RBFOX1: variants seen among roughly 807,000 people sequenced by gnomAD.
The protein encoded by RBFOX1 is RNA binding protein fox-1 homolog 1.
Under a neutral mutation model 57.7 loss-of-function variants are expected in RBFOX1, and 8 were observed. The ratio of observed to expected loss-of-function variants is 0.14; its 90% CI spans 0.08 to 0.25. The LOEUF is 0.25. Ranked by LOEUF, RBFOX1 falls within the 10% of genes least tolerant of loss-of-function variation. RBFOX1 has a pLI of 1.00. For synonymous variants in RBFOX1, 326 were observed against 222.4 expected, an observed-to-expected ratio of 1.47 and a Z score of -4.15; for missense variants, 611 against 548.5, an observed-to-expected ratio of 1.11 and a Z score of -1.14.
intron 4 of RBFOX1, among the ~76,000 whole-genome samples, chr16:7,505,308 G>A (rs554459258): frequency 5.6e-4 from 85 of 151,746 alleles, no homozygotes; most frequent in Non-Finnish European, 8.4e-4. Context: ...TCCAGTTGGA[G>A]ATGGACACCA....
chr16:5,455,984 T>G (rs1170202895), intron 1 of RBFOX1, among the ~76,000 whole-genome samples: 1 of 152,194 alleles, frequency 6.6e-6, no homozygotes, highest in Non-Finnish European at 1.5e-5. Flanking sequence ...ATGATTTTTG[T>G]TGAGTTTCAT....
chr16:6,789,014 C>G (rs907953963), intron 3 of RBFOX1, among the ~76,000 whole-genome samples: 1 of 152,076 alleles, frequency 6.6e-6, no homozygotes, highest in African/African-American at 2.4e-5. Context: ...TCTGGATGGA[C>G]CCAGTCTGAA....
intron 5 of RBFOX1, among the ~76,000 whole-genome samples, chr16:7,560,792 C>T (rs892653158): frequency 1.3e-4 from 20 of 152,080 alleles, no homozygotes; most frequent in African/African-American, 4.8e-4. Context: ...CGGATGTTTC[C>T]CTTTCTTCAT....
intron 2 of RBFOX1, among the ~76,000 whole-genome samples, chr16:6,569,498 C>T (rs374754018): frequency 6.6e-6 from 1 of 152,188 alleles, no homozygotes; most frequent in African/African-American, 2.4e-5. Flanking sequence ...GCTTATCCTT[C>T]ACTAGATGGA....
At chr16:5,902,400 T>A (rs1597711148) in intron 4 of RBFOX1, among the ~76,000 whole-genome samples, 1 of 152,230 alleles carries the variant, frequency 6.6e-6, no homozygotes, top group East Asian at 1.9e-4. Flanking sequence ...TTCCTTAATT[T>A]AATTAATTAA....
intron 11 of RBFOX1, among the ~76,000 whole-genome samples, chr16:7,650,361 C>T (rs1232952015): frequency 6.7e-6 from 1 of 149,946 alleles, no homozygotes; most frequent in Non-Finnish European, 1.5e-5. Context: ...CAGGAAGGCA[C>T]TATTTAAGCC....
chr16:7,389,506 C>G (rs775655308), intron 4 of RBFOX1, among the ~76,000 whole-genome samples: 9 of 152,134 alleles, frequency 5.9e-5, no homozygotes, highest in Admixed American at 1.3e-4. Context: ...GTTCTGGACT[C>G]CAGGACCAAA....
At chr16:6,871,259 C>G (rs1432151738) in intron 3 of RBFOX1, among the ~76,000 whole-genome samples, 4 of 152,172 alleles carry the variant, frequency 2.6e-5, no homozygotes, top group Non-Finnish European at 5.9e-5. Context: ...GATCTCGGCT[C>G]ACTCTAACCT....
intron 2 of RBFOX1, among the ~76,000 whole-genome samples, chr16:6,418,375 A>G (rs572270283): frequency 1.2e-4 from 18 of 152,238 alleles, no homozygotes; most frequent in South Asian, 2.1e-4. Context: ...GGCACATAAT[A>G]AGAGCTGCTA....
intron 1 of RBFOX1, among the ~76,000 whole-genome samples, chr16:5,309,650 C>G (rs1048999471): frequency 3.9e-5 from 6 of 152,110 alleles, no homozygotes; most frequent in African/African-American, 1.2e-4. Context: ...TTTCTCATTC[C>G]TCACTCCCCT....
intron 2 of RBFOX1, among the ~76,000 whole-genome samples, chr16:6,618,966 T>C (rs991292983): frequency 2.0e-5 from 3 of 151,864 alleles, no homozygotes; most frequent in South Asian, 2.1e-4. Context: ...TGCAAAAGGG[T>C]TATTTATAGT....
chr16:6,023,657 C>T (rs1170949014), intron 1 of RBFOX1, among the ~76,000 whole-genome samples: 1 of 152,172 alleles, frequency 6.6e-6, no homozygotes, highest in Non-Finnish European at 1.5e-5. Flanking sequence ...CTCTGAAGGA[C>T]AGAGGGCAGC....
At chr16:6,039,678 C>A (rs961551382) in intron 1 of RBFOX1, among the ~76,000 whole-genome samples, 1 of 152,236 alleles carries the variant, frequency 6.6e-6, no homozygotes, top group African/African-American at 2.4e-5. Flanking sequence ...CAAATTCTCT[C>A]ACCTCTAATA....
intron 4 of RBFOX1, among the ~76,000 whole-genome samples, chr16:5,915,927 A>C (rs1431848692): frequency 2.0e-5 from 3 of 152,236 alleles, no homozygotes; most frequent in African/African-American, 7.2e-5. Flanking sequence ...TCACATTGGG[A>C]ATAATGGGGC....
intron 3 of RBFOX1, among the ~76,000 whole-genome samples, chr16:6,757,956 A>G (rs1159078490): frequency 6.6e-6 from 1 of 152,160 alleles, no homozygotes; most frequent in African/African-American, 2.4e-5. Context: ...AAACAATTAC[A>G]ACAACATCCA....
intron 2 of RBFOX1, among the ~76,000 whole-genome samples, chr16:5,592,168 G>T (rs1464675433): frequency 5.9e-5 from 9 of 151,942 alleles, no homozygotes; most frequent in Admixed American, 5.9e-4. Context: ...TCCTTTGCTT[G>T]TTTTTTTCTA....
intron 13 of RBFOX1, among the ~76,000 whole-genome samples, chr16:7,667,935 A>C (rs112474347): frequency 0.11 from 16,406 of 152,162 alleles, 1,019 homozygotes; most frequent in Middle Eastern, 0.16. Context: ...CGGTCTCCCA[A>C]AGTGCTACGA....
intron 4 of RBFOX1, among the ~76,000 whole-genome samples, chr16:7,072,931 G>A (rs2057618292): frequency 6.6e-6 from 1 of 152,204 alleles, no homozygotes; most frequent in South Asian, 2.1e-4. Context: ...AGAAAGGACA[G>A]ATCTGTGTGG....
chr16:6,256,221 G>GTGTATATATA, intron 1 of RBFOX1, among the ~76,000 whole-genome samples: 1 of 76,604 alleles, frequency 1.3e-5, no homozygotes, highest in African/African-American at 6.6e-5. Context: ...GTATATATAT[G>GTGTATATATA]TATATATATA....
Sources: gnomAD v4.1 joint callset for allele counts (sites outside exome capture counted in the v4.1 genomes callset) on GRCh38, gnomAD v4.1.1 for gene constraint, MANE v1.5 for transcripts, NCBI Gene and HGNC (gene_info 2026-07-23, HGNC 2026-07-21) for gene names.